Variants in BAIAP2L1 observed in about 807,000 individuals in gnomAD.
The protein encoded by BAIAP2L1 is BAR/IMD domain containing adaptor protein 2 like 1, also known as BAR/IMD domain-containing adapter protein 2-like 1.
Under a neutral mutation model 66.3 loss-of-function variants are expected in BAIAP2L1, and 35 were observed. The observed-to-expected ratio is 0.53, with a 90% CI of 0.40 to 0.70. The LOEUF (loss-of-function observed/expected upper bound fraction) is 0.70. BAIAP2L1 is among the 30% of genes least tolerant of loss of function. The probability of loss-of-function intolerance (pLI) is 0.00; values close to 1 mark genes in which losing one functional copy is unlikely to be tolerated. For synonymous variants in BAIAP2L1, 269 were observed against 248.7 expected (o/e 1.08, Z -0.77); for missense variants, 622 against 656.9 (o/e 0.95, Z 0.58).
intron 13 of BAIAP2L1, 98 bp from the exon 14 acceptor site, chr7:98,293,694 C>A: frequency 8.4e-7 from 1 of 1,183,828 alleles, no homozygotes; most frequent in Non-Finnish European, 1.3e-6. Flanking sequence ...TGAGACTGGG[C>A]GGCTGACCAC....
At chr7:98,318,545 C>T (rs892642901) in intron 5 of BAIAP2L1, among the ~76,000 whole-genome samples, 12 of 151,444 alleles carry the variant, frequency 7.9e-5, no homozygotes, top group Non-Finnish European at 1.3e-4. Context: ...TCCCAAAGTG[C>T]TGGGATTACA....
At chr7:98,305,299 G>A (rs1025011919) in intron 11 of BAIAP2L1, among the ~76,000 whole-genome samples, 1 of 150,042 alleles carries the variant, frequency 6.7e-6, no homozygotes, top group Non-Finnish European at 1.5e-5. Context: ...GCAAAAGCTG[G>A]AGTGAGCAAT....
chr7:98,386,395 C>T (rs1802891686), intron 1 of BAIAP2L1: 1 of 1,593,030 alleles, frequency 6.3e-7, no homozygotes, highest in African/African-American at 1.3e-5. Flanking sequence ...AACACACGAC[C>T]CTTGAGACCA....
chr7:98,335,370 A>G (rs1378964779), intron 3 of BAIAP2L1, among the ~76,000 whole-genome samples: 1 of 151,930 alleles, frequency 6.6e-6, no homozygotes, highest in Non-Finnish European at 1.5e-5. Context: ...ATCTCTTCCT[A>G]TGAAATCCTA....
intron 9 of BAIAP2L1, 69 bp downstream of exon 9, chr7:98,310,376 T>C: frequency 6.6e-7 from 1 of 1,510,084 alleles, no homozygotes; most frequent in South Asian, 1.2e-5. Context: ...ATACAAAATA[T>C]TTATTTCACA....
At chr7:98,346,908 G>A (rs1584474169) in intron 3 of BAIAP2L1, among the ~76,000 whole-genome samples, 1 of 152,296 alleles carries the variant, frequency 6.6e-6, no homozygotes, top group East Asian at 1.9e-4. Context: ...CACAGGAACT[G>A]AGTGAGGCCA....
intron 1 of BAIAP2L1, among the ~76,000 whole-genome samples, chr7:98,382,086 C>T (rs528900529): frequency 3.3e-5 from 5 of 151,960 alleles, no homozygotes; most frequent in East Asian, 3.9e-4. Context: ...CCACCACGCC[C>T]GGCTTTTTTG....
intron 12 of BAIAP2L1, among the ~76,000 whole-genome samples, chr7:98,296,369 T>C (rs1800192208): frequency 6.6e-6 from 1 of 152,238 alleles, no homozygotes; most frequent in African/African-American, 2.4e-5. Context: ...CTCATGCCTG[T>C]AATCCCAGCA....
intron 1 of BAIAP2L1, among the ~76,000 whole-genome samples, chr7:98,372,011 G>A (rs1171005561): frequency 6.6e-6 from 1 of 151,940 alleles, no homozygotes; most frequent in African/African-American, 2.4e-5. Context: ...AGCCAGGATG[G>A]TCTCGATCTC....
intron 12 of BAIAP2L1, among the ~76,000 whole-genome samples, chr7:98,301,360 G>A (rs1295596674): frequency 6.6e-6 from 1 of 152,022 alleles, no homozygotes; most frequent in Non-Finnish European, 1.5e-5. Context: ...ATTAGAATCC[G>A]CATAAGGAGG....
At position 98,393,062 on chromosome 7, in the gene BAIAP2L1, CACATATATGTAT is replaced by C. The variant is rs1267591147; in HGVS notation, c.51+7728_51+7739del. ...ACATATATACGTGTACATATATGTACACATATATGTATACACACACATATATACATATATACG... is the reference window on the plus strand; with the variant it reads ...ACATATATACGTGTACATATATGTACACACACACATATATACATATATACG... On this transcript the variant is annotated intron_variant, in intron 1 of 13. Transcript: ENST00000005260. Among the ~76,000 whole-genome samples the C allele has an allele frequency of 3.6e-5, 3 of 83,898 alleles. 1 individual carries two copies. The highest frequency in any genetic ancestry group is 1.5e-4 in the African/African-American group (3 of 19,872). The allele number at this position is 83,898 out of a possible 152,430, so 55.0% of individuals were successfully genotyped here.
At chr7:98,348,462 G>A (rs1484585559) in intron 3 of BAIAP2L1, among the ~76,000 whole-genome samples, 3 of 151,204 alleles carry the variant, frequency 2.0e-5, no homozygotes, top group Non-Finnish European at 4.4e-5. Flanking sequence ...AGCTACTCAG[G>A]AGGATGCATC....
At chr7:98,306,289 A>G in intron 11 of BAIAP2L1, 150 bp downstream of exon 11, 1 of 930,812 alleles carries the variant, frequency 1.1e-6, no homozygotes, top group Non-Finnish European at 1.7e-6. Context: ...CACGGCAGAC[A>G]GCACTGTGAG....
At chr7:98,349,875 G>A (rs1347256018) in intron 3 of BAIAP2L1, among the ~76,000 whole-genome samples, 1 of 152,086 alleles carries the variant, frequency 6.6e-6, no homozygotes, top group Non-Finnish European at 1.5e-5. Flanking sequence ...TGACCAACAT[G>A]GAGAAACCCC....
chr7:98,337,817 C>T (rs1801647780), intron 3 of BAIAP2L1, among the ~76,000 whole-genome samples: 1 of 152,102 alleles, frequency 6.6e-6, no homozygotes, highest in Admixed American at 6.6e-5. Context: ...ACTCAGGAGG[C>T]TAAGGTGGGA....
At chr7:98,397,794 G>C (rs971620575) in intron 1 of BAIAP2L1, among the ~76,000 whole-genome samples, 1 of 152,124 alleles carries the variant, frequency 6.6e-6, no homozygotes, top group Non-Finnish European at 1.5e-5. Context: ...GTGTGGAGTG[G>C]GGAGGGATTT....
At chr7:98,312,535 T>G (rs1193726136) in intron 7 of BAIAP2L1, among the ~76,000 whole-genome samples, 2 of 152,104 alleles carry the variant, frequency 1.3e-5, no homozygotes, top group Admixed American at 1.3e-4. Context: ...GGTAAATGGT[T>G]AAGAGCAAGA....
rs113194022 is a variant in BAIAP2L1 at position 98,305,449 on chromosome 7, T to G, written c.1241+990A>C. On this transcript the variant is annotated intron_variant, in intron 11 of 13. Coordinates refer to ENST00000005260, the MANE Select transcript of BAIAP2L1 (RefSeq NM_018842.5). The stretch of plus-strand genomic sequence containing the variant: ...GAAGATTGCAGACAGCATCAGACCC[T>G]GGGGAATGCAACGTCGGACCTGGAG... Among the ~76,000 whole-genome samples, 519 of 152,268 alleles carry G rather than the reference T, an allele frequency of 3.4e-3. 3 individuals are homozygous for G. Among genetic ancestry groups the G allele is most frequent in the Non-Finnish European group, 4.1e-3 (281 of 68,032 alleles).
intron 12 of BAIAP2L1, among the ~76,000 whole-genome samples, chr7:98,303,497 G>A (rs1800510250): frequency 6.6e-6 from 1 of 152,186 alleles, no homozygotes; most frequent in Non-Finnish European, 1.5e-5. Context: ...GTTATTCTCT[G>A]CATGGCTTCT....
Sources: gnomAD v4.1 joint callset for allele counts (sites outside exome capture counted in the v4.1 genomes callset) on GRCh38, gnomAD v4.1.1 for gene constraint, MANE v1.5 for transcripts, NCBI Gene and HGNC (gene_info 2026-07-23, HGNC 2026-07-21) for gene names.